FMN2: variants seen among roughly 807,000 people sequenced by gnomAD.
FMN2 encodes the protein formin 2, also known as formin-2.
A neutral mutation model predicts 142.3 loss-of-function variants in FMN2; 51 were observed. That is an observed-to-expected ratio of 0.36 (90% CI 0.29 to 0.45). FMN2 has a LOEUF of 0.45. Ranked by LOEUF, FMN2 falls within the 20% of genes least tolerant of loss-of-function variation. The pLI is 1.00. For synonymous variants in FMN2, 882 were observed against 869.8 expected (o/e 1.01, Z -0.25); for missense variants, 1,936 against 2,122.8 (o/e 0.91, Z 1.73).
intron 6 of FMN2, among the ~76,000 whole-genome samples, chr1:240,251,209 T>C (rs920284010): frequency 1.3e-5 from 2 of 152,110 alleles, no homozygotes; most frequent in African/African-American, 4.8e-5. Context: ...TAGGCGTTTA[T>C]TATTTTAAGC....
At chr1:240,169,924 A>G (rs1255328045) in intron 2 of FMN2, among the ~76,000 whole-genome samples, 2 of 152,172 alleles carry the variant, frequency 1.3e-5, no homozygotes, top group Non-Finnish European at 1.5e-5. Flanking sequence ...TATAGTTACC[A>G]TATTTTGCTA....
At chr1:240,165,064 C>G (rs2103299234) in intron 2 of FMN2, among the ~76,000 whole-genome samples, 1 of 152,268 alleles carries the variant, frequency 6.6e-6, no homozygotes, top group African/African-American at 2.4e-5. Flanking sequence ...TTTTATTCAG[C>G]TGCTTCTAAT....
intron 2 of FMN2, among the ~76,000 whole-genome samples, chr1:240,158,829 T>C (rs1004418515): frequency 6.6e-6 from 1 of 152,224 alleles, no homozygotes; most frequent in East Asian, 1.9e-4. Context: ...AATATTTCAA[T>C]TCAGATGTAA....
rs550620625 is a variant in FMN2, at chr1:240,132,843, G to A, written c.1782+9498G>A. ...TTCAGGTTCAGTCATCGTTTGGCTT[G>A]GATGATCACATTGGCCTTTTCATTA... On this transcript the variant is annotated intron_variant, in intron 2 of 17. Transcript: ENST00000319653. 6.6e-5 allele frequency among the ~76,000 whole-genome samples: 10 copies of A among 152,280 alleles called. No homozygotes were observed. The South Asian group carries it at 1.4e-3, about 22-fold the overall frequency.
intron 2 of FMN2, among the ~76,000 whole-genome samples, chr1:240,132,703 C>A (rs377636578): frequency 3.3e-5 from 5 of 152,034 alleles, no homozygotes; most frequent in African/African-American, 1.2e-4. Context: ...CTGGGTGATA[C>A]GGGCTTTGGA....
At chr1:240,421,165 C>G (rs937980873) in intron 15 of FMN2, among the ~76,000 whole-genome samples, 2 of 152,210 alleles carry the variant, frequency 1.3e-5, no homozygotes, top group Non-Finnish European at 2.9e-5. Flanking sequence ...GACCTCCGTG[C>G]AAATGAAGTG....
rs566839984 is a variant in FMN2, at chr1:240,178,149, G to T, written c.1930+81G>T. On this transcript the variant is annotated intron_variant, in intron 3 of 17. Coordinates refer to ENST00000319653, the MANE Select transcript of FMN2 (RefSeq NM_020066.5). ...AAGTTTTATTAAATCTTAGTTTTAA[G>T]TAATCTTTTATTTTTAATTGCATGG... The T allele has an allele frequency of 8.1e-6, 11 of 1,354,438 alleles. No homozygotes were observed. The South Asian group carries it at 2.3e-4, about 29-fold the overall frequency. The allele number at this position is 1,354,438 out of a possible 1,614,324, so 83.9% of individuals were successfully genotyped here.
chr1:240,129,886 C>T (rs1469252594), intron 2 of FMN2, among the ~76,000 whole-genome samples: 2 of 152,134 alleles, frequency 1.3e-5, no homozygotes, highest in Non-Finnish European at 2.9e-5. Context: ...TCTCCTTCTT[C>T]CTTCTAATAT....
chr1:240,412,233 T>C (rs1202018488), intron 15 of FMN2, among the ~76,000 whole-genome samples: 1 of 152,172 alleles, frequency 6.6e-6, no homozygotes, highest in Non-Finnish European at 1.5e-5. Flanking sequence ...AAAGACAAAA[T>C]ATTAATTTGT....
chr1:240,369,119 A>G (rs911682554), intron 14 of FMN2, among the ~76,000 whole-genome samples: 2 of 152,062 alleles, frequency 1.3e-5, no homozygotes, highest in Non-Finnish European at 2.9e-5. Flanking sequence ...GATTTTGTAC[A>G]CTTTCACCTC....
In FMN2 at chr1:240,371,607, A is replaced by G. The variant is rs145422020; in HGVS notation, c.4858+15699A>G. ...CCATTTGTATAGTTACCTAAGAAATACCAACGTGTTGATTCAGAAGTAAAT... is the reference window on the plus strand; with the variant it reads ...CCATTTGTATAGTTACCTAAGAAATGCCAACGTGTTGATTCAGAAGTAAAT... On this transcript the variant is annotated intron_variant, in intron 14 of 17. Coordinates refer to ENST00000319653, the MANE Select transcript of FMN2 (RefSeq NM_020066.5). Among the ~76,000 whole-genome samples, 357 of 152,362 alleles carry G rather than the reference A, an allele frequency of 2.3e-3. 5 individuals are homozygous for G. The highest frequency in any genetic ancestry group is 8.2e-3 in the African/African-American group (342 of 41,582).
intron 6 of FMN2, chr1:240,245,187 G>A (rs765846634): frequency 2.2e-4 from 59 of 270,570 alleles, no homozygotes; most frequent in Non-Finnish European, 1.8e-4. Flanking sequence ...CCTGTCCACT[G>A]AATAGTCAGA....
intron 1 of FMN2, among the ~76,000 whole-genome samples, chr1:240,120,326 C>T (rs1197374466): frequency 6.6e-6 from 1 of 152,140 alleles, no homozygotes; most frequent in East Asian, 1.9e-4. Flanking sequence ...TTCAAAGTTG[C>T]TCAAAACAAA....
rs146090429 is a variant in FMN2, at chr1:240,145,691, G to A, written c.1782+22346G>A. ...CACTCTGCTAATTTTTATATTTTTT[G>A]TAGAGACAGGTTCTGGCTATGTTGC... On this transcript the variant is annotated intron_variant, in intron 2 of 17. Coordinates refer to ENST00000319653, the MANE Select transcript of FMN2 (RefSeq NM_020066.5). 3.6e-3 allele frequency among the ~76,000 whole-genome samples: 551 copies of A among 151,620 alleles called. 2 individuals carry two copies. The highest frequency in any genetic ancestry group is 0.013 in the African/African-American group (522 of 41,344).
At chr1:240,162,087 G>A (rs1362211080) in intron 2 of FMN2, among the ~76,000 whole-genome samples, 1 of 151,048 alleles carries the variant, frequency 6.6e-6, no homozygotes, top group Non-Finnish European at 1.5e-5. Context: ...AACTGTGATT[G>A]TACTCTAGCA....
At chr1:240,255,452 G>T (rs1011678132) in intron 6 of FMN2, among the ~76,000 whole-genome samples, 3 of 152,122 alleles carry the variant, frequency 2.0e-5, no homozygotes. Context: ...ACTAGAGTTT[G>T]GGAGATCAAT....
intron 2 of FMN2, among the ~76,000 whole-genome samples, chr1:240,140,172 A>T (rs1446871544): frequency 1.3e-5 from 2 of 152,014 alleles, no homozygotes; most frequent in Non-Finnish European, 2.9e-5. Context: ...CCAGTGTGTA[A>T]CCAGTTTGCA....
chr1:240,152,681 C>T (rs962879778), intron 2 of FMN2, among the ~76,000 whole-genome samples: 6 of 152,166 alleles, frequency 3.9e-5, no homozygotes, highest in Non-Finnish European at 7.3e-5. Context: ...AAACTAATGT[C>T]ATGCTAGAAT....
At chr1:240,118,265 A>G (rs1202564252) in intron 1 of FMN2, among the ~76,000 whole-genome samples, 1 of 152,120 alleles carries the variant, frequency 6.6e-6, no homozygotes, top group African/African-American at 2.4e-5. Context: ...AGTTTATTAG[A>G]GAGTAAGTAC....
Sources: allele counts gnomAD v4.1 joint callset (sites outside exome capture counted in the v4.1 genomes callset), GRCh38; gene constraint gnomAD v4.1.1; transcripts MANE v1.5; gene names NCBI Gene and HGNC (gene_info 2026-07-23, HGNC 2026-07-21).